The following AGAP1 variants were observed in gnomAD, a reference collection of about 807,000 sequenced individuals.
AGAP1 encodes ArfGAP with GTPase domain, ankyrin repeat and PH domain 1.
AGAP1 carries 29 observed loss-of-function variants against 105.3 expected under a neutral mutation model. That is an observed-to-expected ratio of 0.28 (90% CI 0.21 to 0.38). AGAP1 has a LOEUF of 0.38. Among genes scored for constraint, AGAP1 ranks in the 10% least tolerant of loss-of-function variants. The pLI, the probability that AGAP1 is intolerant of heterozygous loss-of-function variation, is 1.00. For synonymous variants in AGAP1, 509 were observed against 485.9 expected (o/e 1.05, Z -0.63); for missense variants, 998 against 1,165.1 (o/e 0.86, Z 2.09).
chr2:235,567,625 C>T (rs938660198), intron 1 of AGAP1, among the ~76,000 whole-genome samples: 2 of 152,132 alleles, frequency 1.3e-5, no homozygotes, highest in Admixed American at 6.5e-5. Context: ...ACCTGCTTCC[C>T]AGCCGGTCGC....
At position 235,919,657 on chromosome 2, in the gene AGAP1, G is replaced by GA. The variant is rs2052074585; in HGVS notation, c.1324+10753dup. Among the ~76,000 whole-genome samples, 2 of 152,146 alleles carry GA rather than the reference G, an allele frequency of 1.3e-5. No individual in the cohort carries two copies. Among genetic ancestry groups the GA allele is most frequent in the South Asian group, 4.1e-4 (2 of 4,824 alleles). On this transcript the variant is annotated intron_variant, in intron 11 of 17. Transcript: ENST00000304032. This position sits in a 1 kb window ranked among gnomAD's most constrained non-coding sequence, Gnocchi z 4.1. Reference sequence around the variant, plus strand: ...ACTGTAAAATTCAGAGATGACCGGGGAACGCTCCCCTCAAAACAGTGTTGT... The same window carrying GA: ...ACTGTAAAATTCAGAGATGACCGGGGAAACGCTCCCCTCAAAACAGTGTTGT...
chr2:235,874,531 A>G lies in AGAP1; in HGVS notation c.1051-8814A>G, dbSNP rs2049613184. On this transcript the variant is annotated intron_variant, in intron 9 of 17. Coordinates refer to ENST00000304032, the MANE Select transcript of AGAP1 (RefSeq NM_001037131.3). The surrounding 1 kb of genome is among the most constrained non-coding windows in gnomAD (Gnocchi z 4.5). ...GCTTTCACCTAGGCAGAGCAACCGA[A>G]GTGCACTTTGCAGGGAGCTAAGAGG... Among the ~76,000 whole-genome samples the G allele has an allele frequency of 6.6e-6, 1 of 152,152 alleles. No homozygotes were observed. Among genetic ancestry groups the G allele is most frequent in the South Asian group, 2.1e-4 (1 of 4,836 alleles).
At position 235,724,282 on chromosome 2, in the gene AGAP1, G is replaced by C. The variant is rs1339909790; in HGVS notation, c.310+6638G>C. Among the ~76,000 whole-genome samples, 3 of 152,216 alleles carry C rather than the reference G, an allele frequency of 2.0e-5. No individual in the cohort carries two copies. The highest frequency in any genetic ancestry group is 4.8e-5 in the African/African-American group (2 of 41,458). ...CTGGTAATGGGGATGGCTGGTAAAGGCTGTGCCGGCCCTGCCTCCCTCCCA... is the reference window on the plus strand; with the variant it reads ...CTGGTAATGGGGATGGCTGGTAAAGCCTGTGCCGGCCCTGCCTCCCTCCCA... On this transcript the variant is annotated intron_variant, in intron 3 of 17. Transcript: ENST00000304032. The surrounding 1 kb of genome is among the most constrained non-coding windows in gnomAD (Gnocchi z 4.9).
intron 9 of AGAP1, among the ~76,000 whole-genome samples, chr2:235,873,674 G>A (rs964885126): frequency 6.6e-6 from 1 of 152,192 alleles, no homozygotes; most frequent in Admixed American, 6.5e-5. Context: ...CTGTGGGAAG[G>A]CCAGTGCCGC....
chr2:235,507,260 CGTTA>C (rs1356014427), intron 1 of AGAP1: 1 of 152,390 alleles, frequency 6.6e-6, no homozygotes. Context: ...TTTATGAAGA[CGTTA>C]GTTATGAATC....
intron 13 of AGAP1, among the ~76,000 whole-genome samples, chr2:236,032,668 G>A (rs1158632561): frequency 6.6e-6 from 1 of 152,082 alleles, no homozygotes; most frequent in Non-Finnish European, 1.5e-5. Flanking sequence ...GAAGGATGAA[G>A]AAAAGAGGTG....
At position 235,704,962 on chromosome 2, in the gene AGAP1, C is replaced by CTTTTTTTTTTTTTTT. The variant is rs796721149; in HGVS notation, c.164-4211_164-4210insTTTTTTTTTTTTTTT. Among the ~76,000 whole-genome samples, 8 of 86,010 alleles carry CTTTTTTTTTTTTTTT rather than the reference C, an allele frequency of 9.3e-5. 3 individuals are homozygous for CTTTTTTTTTTTTTTT. Among genetic ancestry groups the CTTTTTTTTTTTTTTT allele is most frequent in the South Asian group, 5.3e-4 (1 of 1,880 alleles). 56.4% of individuals were successfully genotyped at this position (86,010 alleles called of 152,430 possible). On this transcript the variant is annotated intron_variant, in intron 1 of 17. Transcript: ENST00000304032. ...AACGTCGATTGTAAAATACAAGATG[C>CTTTTTTTTTTTTTTT]TTTTTTCTTTTTTTTTTTTTTTTTT... is the stretch of plus-strand genomic sequence containing the variant.
intron 1 of AGAP1, chr2:235,671,089 G>C: frequency 7.9e-7 from 1 of 1,258,866 alleles, no homozygotes; most frequent in African/African-American, 1.6e-5. Context: ...CCCGGGACGG[G>C]AAGGGGCGTG....
At chr2:235,766,727 C>G (rs1013470533) in intron 6 of AGAP1, among the ~76,000 whole-genome samples, 12 of 152,052 alleles carry the variant, frequency 7.9e-5, no homozygotes, top group African/African-American at 2.9e-4. Context: ...AAAAGTTGGC[C>G]AAAGATACAA....
Position 235,801,843 on chromosome 2 carries a change from C to T in AGAP1, c.957+2321C>T, listed in dbSNP as rs894181923. ...CGCCTTCTGAGGGCCACATTTTCTGCTTGTTGACTTTGCTTTCTCTTTTAA... is the reference window on the plus strand; with the variant it reads ...CGCCTTCTGAGGGCCACATTTTCTGTTTGTTGACTTTGCTTTCTCTTTTAA... On this transcript the variant is annotated intron_variant, in intron 8 of 17. Transcript: ENST00000304032. This position sits in a 1 kb window ranked among gnomAD's most constrained non-coding sequence, Gnocchi z 6.0. Among the ~76,000 whole-genome samples, 16 of 152,080 alleles carry T rather than the reference C, an allele frequency of 1.1e-4. No homozygotes were observed. Among genetic ancestry groups the T allele is most frequent in the African/African-American group, 3.9e-4 (16 of 41,406 alleles).
Position 236,002,537 on chromosome 2 carries a change from G to C in AGAP1, c.1645+33914G>C, listed in dbSNP as rs906670219. 1.3e-5 allele frequency among the ~76,000 whole-genome samples: 2 copies of C among 152,128 alleles called. No individual in the cohort carries two copies. Among genetic ancestry groups the C allele is most frequent in the Non-Finnish European group, 2.9e-5 (2 of 68,028 alleles). On this transcript the variant is annotated intron_variant, in intron 13 of 17. Coordinates refer to ENST00000304032, the MANE Select transcript of AGAP1 (RefSeq NM_001037131.3). This position sits in a 1 kb window ranked among gnomAD's most constrained non-coding sequence, Gnocchi z 4.3. ...AGTAATGTTGCTCCCTCTCATGAGG[G>C]GGTCACTGGCTGCCCTTATAGAAGG...
chr2:236,051,788 T>G lies in AGAP1; in HGVS notation c.2114+2507T>G. Among the ~76,000 whole-genome samples, 1 of 152,096 alleles carries G rather than the reference T, an allele frequency of 6.6e-6. No homozygotes were observed. The highest frequency in any genetic ancestry group is 2.4e-5 in the African/African-American group (1 of 41,398). ...AGAGGACTAAAGGCAGCCAGCAAGG[T>G]CTGTGTCCCTTCCCGCTGGAAGGCC... On this transcript the variant is annotated intron_variant, in intron 16 of 17. Coordinates refer to ENST00000304032, the MANE Select transcript of AGAP1 (RefSeq NM_001037131.3). The surrounding 1 kb of genome is among the most constrained non-coding windows in gnomAD (Gnocchi z 5.9).
Position 235,732,593 on chromosome 2 carries a change from TC to T in AGAP1, c.311-8366del, listed in dbSNP as rs1952014705. ...CTTCTGTTCCCTTCCCTCCTTCCTCTCCCCAAGCCTCTCCCGCCTTCCCATT... is the reference window on the plus strand; with the variant it reads ...CTTCTGTTCCCTTCCCTCCTTCCTCTCCCAAGCCTCTCCCGCCTTCCCATT... On this transcript the variant is annotated intron_variant, in intron 3 of 17. Coordinates refer to ENST00000304032, the MANE Select transcript of AGAP1 (RefSeq NM_001037131.3). This position sits in a 1 kb window ranked among gnomAD's most constrained non-coding sequence, Gnocchi z 4.8. Among the ~76,000 whole-genome samples, 1 of 152,096 alleles carries T rather than the reference TC, an allele frequency of 6.6e-6. No individual in the cohort carries two copies. Among genetic ancestry groups the T allele is most frequent in the Non-Finnish European group, 1.5e-5 (1 of 68,016 alleles).
At chr2:235,670,689 C>G (rs2149358242) in intron 1 of AGAP1, 1 of 708,826 alleles carries the variant, frequency 1.4e-6, no homozygotes, top group Non-Finnish European at 2.5e-6. Flanking sequence ...ACCCTGGAGC[C>G]CGCGACCGCC....
At chr2:236,081,668 G>GT (rs35088277) in intron 16 of AGAP1, among the ~76,000 whole-genome samples, 37,810 of 135,086 alleles carry the variant, frequency 0.28, 5,363 homozygotes, top group South Asian at 0.41. Flanking sequence ...AGTTCTGTGG[G>GT]TTTTTTTTTT....
At position 236,016,662 on chromosome 2, in the gene AGAP1, A is replaced by G. The variant is rs555033128; in HGVS notation, c.1646-19899A>G. 1.0e-3 allele frequency among the ~76,000 whole-genome samples: 152 copies of G among 152,268 alleles called. 1 individual carries two copies. Among genetic ancestry groups the G allele is most frequent in the Non-Finnish European group, 2.9e-4 (20 of 68,028 alleles). ...ACTTCTCAGCCTTAGCTTCTCAGGTAATACACAGCATCTGCTCTGCCCAGC... is the reference window on the plus strand; with the variant it reads ...ACTTCTCAGCCTTAGCTTCTCAGGTGATACACAGCATCTGCTCTGCCCAGC... On this transcript the variant is annotated intron_variant, in intron 13 of 17. Coordinates refer to ENST00000304032, the MANE Select transcript of AGAP1 (RefSeq NM_001037131.3).
chr2:236,118,663 A>G (rs1184666314), intron 16 of AGAP1, among the ~76,000 whole-genome samples: 1 of 152,138 alleles, frequency 6.6e-6, no homozygotes, highest in African/African-American at 2.4e-5. Flanking sequence ...TGCTGGGATT[A>G]CAGGCATGAG....
chr2:236,067,557 G>C (rs1401691285), intron 16 of AGAP1, among the ~76,000 whole-genome samples: 1 of 152,176 alleles, frequency 6.6e-6, no homozygotes, highest in Admixed American at 6.5e-5. Context: ...TAGCCCATTT[G>C]AGAAAGTAAA....
At chr2:235,572,645 T>C (rs1266594611) in intron 1 of AGAP1, among the ~76,000 whole-genome samples, 2 of 152,078 alleles carry the variant, frequency 1.3e-5, no homozygotes. Flanking sequence ...AAATCTCACC[T>C]CTCCAGAAAA....
Sources: gnomAD v4.1 joint callset for allele counts (sites outside exome capture counted in the v4.1 genomes callset) on GRCh38, gnomAD v4.1.1 for gene constraint, Gnocchi (gnomAD v3.1) non-coding constraint, MANE v1.5 for transcripts, NCBI Gene and HGNC (gene_info 2026-07-23, HGNC 2026-07-21) for gene names.